DNAH5: variants seen among roughly 807,000 people sequenced by gnomAD.
DNAH5 encodes the protein dynein axonemal heavy chain 5.
In DNAH5, 372 loss-of-function variants were observed where a neutral mutation model predicts 518.2. The ratio of observed to expected loss-of-function variants is 0.72; its 90% CI spans 0.66 to 0.78. The LOEUF is 0.78. DNAH5 is among the 30% of genes least tolerant of loss of function. The pLI is 0.00. For missense variants in DNAH5, 5,523 were observed against 5,687.0 expected (o/e 0.97, Z 0.93); for synonymous variants, 2,039 against 2,025.9 (o/e 1.01, Z -0.17).
chr5:13,988,727 C>CTTCTTTTTT (rs1783249940), intron 1 of DNAH5, among the ~76,000 whole-genome samples: 1 of 126,606 alleles, frequency 7.9e-6, no homozygotes, highest in Non-Finnish European at 1.6e-5. Context: ...CAGCCCAAAT[C>CTTCTTTTTT]TTTTTTTTTT....
intron 47 of DNAH5, among the ~76,000 whole-genome samples, chr5:13,795,319 G>T (rs1402400643): frequency 2.6e-5 from 4 of 151,626 alleles, no homozygotes; most frequent in African/African-American, 9.7e-5. Context: ...TAATAAAGAA[G>T]AAAAGAGAGA....
chr5:13,864,491 G>T lies in DNAH5; in HGVS notation c.4502C>A (p.Thr1501Asn). 1 of 1,614,128 alleles carries T rather than the reference G, an allele frequency of 6.2e-7. No homozygotes were observed. The highest frequency in any genetic ancestry group is 8.5e-7 in the Non-Finnish European group (1 of 1,180,022). The change falls in exon 28 of 79, where the codon ACC (threonine) becomes AAC (asparagine). Residue 1501 changes from threonine to asparagine, a missense_variant. Coordinates refer to ENST00000265104, the MANE Select transcript of DNAH5 (RefSeq NM_001369.3). ...CACATCCAGACTGTGCCCGGTGAGGGTGGTTATCCTTTCCCAGTGCCGCTC... is the reference window on the plus strand; with the variant it reads ...CACATCCAGACTGTGCCCGGTGAGGTTGGTTATCCTTTCCCAGTGCCGCTC... ...MMERHWERIT[T>N]LTGHSLDVGN...
chr5:13,925,803 C>T (rs1015445675), intron 3 of DNAH5, among the ~76,000 whole-genome samples: 6 of 152,220 alleles, frequency 3.9e-5, no homozygotes, highest in South Asian at 2.1e-4. Context: ...GCTATGCAAA[C>T]GGTGAGGTTA....
Position 13,737,407 on chromosome 5 carries a change from C to A in DNAH5, c.11300G>T (p.Arg3767Leu), listed in dbSNP as rs138838869. The A allele has an allele frequency of 4.3e-6, 7 of 1,614,014 alleles. No homozygotes were observed. In the East Asian group the frequency reaches 1.1e-4, roughly 26 times the overall value. ...MKELEDNLLY[R>L]LTSTQGSLVE... ...CAGGGACCCCTGGGTACTTGTCAGG[C>A]GGTAAAGCAAGTTATCTTCTAGTTC... The change falls in exon 66 of 79, where the codon CGC (arginine) becomes CTC (leucine). Residue 3767 changes from arginine to leucine, a missense_variant. By Grantham distance (102) the Arg-to-Leu change is moderately radical. This residue lies in a region of DNAH5 where 5,121 missense variants were observed against 5,223.3 expected (regional missense o/e 0.98). Transcript: ENST00000265104.
chr5:13,886,041 T>C lies in DNAH5; in HGVS notation c.2666A>G (p.Asp889Gly). The stretch of plus-strand genomic sequence containing the variant: ...TTCTTCTTCAGATAAAACTTCCACA[T>C]CCAGCAACATATTTACAAGCTCATT... Reference protein sequence around the residue: ...AVNELVNMLLDVEVLSEEESE... With the variant: ...AVNELVNMLLGVEVLSEEESE... The change falls in exon 18 of 79, where the codon GAT (aspartate) becomes GGT (glycine). Residue 889 changes from aspartate to glycine, a missense_variant. Around this residue, in one of 3 missense-constraint regions of DNAH5, gnomAD observed 5,121 missense variants for 5,223.3 expected, o/e 0.98. Transcript: ENST00000265104. 1.2e-6 allele frequency: 2 copies of C among 1,610,970 alleles called. No homozygotes were observed. Among genetic ancestry groups the C allele is most frequent in the Non-Finnish European group, 1.7e-6 (2 of 1,179,576 alleles).
intron 28 of DNAH5, 65 bp from the exon 29 acceptor site, chr5:13,862,812 G>T (rs538106519): frequency 2.8e-6 from 3 of 1,081,280 alleles, no homozygotes; most frequent in Non-Finnish European, 4.0e-6. Flanking sequence ...AATAGTCTAC[G>T]TGCAATACCC....
At chr5:13,840,044 T>C (rs1764952065) in intron 34 of DNAH5, among the ~76,000 whole-genome samples, 1 of 152,354 alleles carries the variant, frequency 6.6e-6, no homozygotes, top group African/African-American at 2.4e-5. Context: ...CTGGAAATGC[T>C]TTTGTCCAGA....
At chr5:13,700,244 G>A (rs1579803859) in intron 78 of DNAH5, among the ~76,000 whole-genome samples, 1 of 152,124 alleles carries the variant, frequency 6.6e-6, no homozygotes, top group Non-Finnish European at 1.5e-5. Context: ...CCACCACATT[G>A]TATATATTCT....
intron 65 of DNAH5, among the ~76,000 whole-genome samples, chr5:13,750,478 G>A (rs903943349): frequency 1.3e-5 from 2 of 152,194 alleles, no homozygotes. Flanking sequence ...AGGCAGACAT[G>A]GAGTTATGTT....
chr5:13,750,943 G>A, intron 65 of DNAH5, 135 bp downstream of exon 65: 1 of 972,250 alleles, frequency 1.0e-6, no homozygotes, highest in Non-Finnish European at 1.6e-6. Flanking sequence ...GAAAACACTT[G>A]GAGATTAATG....
upstream of DNAH5, among the ~76,000 whole-genome samples, chr5:13,945,212 A>G (rs1779814228): frequency 6.6e-6 from 1 of 152,250 alleles, no homozygotes. Context: ...ATGTAATGGG[A>G]AAACACTGCC....
In DNAH5 at chr5:13,830,019, T is replaced by A. The variant is rs377672142; in HGVS notation, c.6249+7A>T. 1.2e-6 allele frequency: 2 copies of A among 1,611,284 alleles called. No individual in the cohort carries two copies. The highest frequency in any genetic ancestry group is 2.7e-5 in the African/African-American group (2 of 74,490). On this transcript the variant is annotated splice_region_variant and intron_variant, in intron 37 of 78. Coordinates refer to ENST00000265104, the MANE Select transcript of DNAH5 (RefSeq NM_001369.3). ...GAAATTCAGTAGCTTTTCTAGCAGCTCCTTACCATGGTTAAGAAAAGCCCA... is the reference window on the plus strand; with the variant it reads ...GAAATTCAGTAGCTTTTCTAGCAGCACCTTACCATGGTTAAGAAAAGCCCA...
chr5:13,856,909 T>C (rs1767712698), intron 30 of DNAH5, among the ~76,000 whole-genome samples: 2 of 152,210 alleles, frequency 1.3e-5, no homozygotes, highest in African/African-American at 2.4e-5. Context: ...AATATCATAC[T>C]GAATAGGCAA....
chr5:13,783,753 G>C (rs1260243733), intron 52 of DNAH5, among the ~76,000 whole-genome samples: 1 of 152,166 alleles, frequency 6.6e-6, no homozygotes, highest in African/African-American at 2.4e-5. Context: ...ATCCTGTTTT[G>C]CTGCAGTTTT....
At chr5:13,750,506 T>C (rs1265598532) in intron 65 of DNAH5, among the ~76,000 whole-genome samples, 1 of 152,182 alleles carries the variant, frequency 6.6e-6, no homozygotes, top group Non-Finnish European at 1.5e-5. Context: ...CATAATTAAG[T>C]CAGTAGCCTT....
chr5:13,912,299 A>G (rs1776078547), intron 11 of DNAH5, among the ~76,000 whole-genome samples: 1 of 152,066 alleles, frequency 6.6e-6, no homozygotes, highest in African/African-American at 2.4e-5. Flanking sequence ...CAAATCTCTC[A>G]ATAGACAAAA....
Position 13,814,649 on chromosome 5 carries a change from C to T in DNAH5, c.7186G>A (p.Val2396Ile), listed in dbSNP as rs145167006. The change falls in exon 43 of 79, where the codon GTT (valine) becomes ATT (isoleucine). Residue 2396 changes from valine (V) to isoleucine (I), a missense_variant. Transcript: ENST00000265104. ...SPATVSRNGM[V>I]FMSSSILDWS... The stretch of plus-strand genomic sequence containing the variant: ...TCAAGGATAGAAGAGCTCATGAAAA[C>T]CATTCCATTTCTTGAGACGGTGGCA... 2 of 1,613,750 alleles carry T rather than the reference C, an allele frequency of 1.2e-6. No individual in the cohort carries two copies. Among genetic ancestry groups the T allele is most frequent in the African/African-American group, 2.7e-5 (2 of 74,924 alleles).
chr5:13,802,388 A>C (rs115156273), intron 47 of DNAH5, among the ~76,000 whole-genome samples: 6,970 of 152,316 alleles, frequency 0.046, 200 homozygotes, highest in Non-Finnish European at 0.065. Context: ...CAATTACTGA[A>C]TTAATTTCTC....
chr5:13,871,596 T>C lies in DNAH5; in HGVS notation c.3566A>G (p.Tyr1189Cys), dbSNP rs370022843. 1.9e-6 allele frequency: 3 copies of C among 1,613,694 alleles called. No homozygotes were observed. In the South Asian group the frequency reaches 3.3e-5, roughly 18 times the overall value. Reference sequence around the variant, plus strand: ...CAGAGCAATGGAACCCACACAGACATATTCAGGCTCAGCATTAATTTCCTG... The same window carrying C: ...CAGAGCAATGGAACCCACACAGACACATTCAGGCTCAGCATTAATTTCCTG... ...LEQEINAEPE[Y>C]VCVGSIALYT... The change falls in exon 23 of 79, where the codon TAT (tyrosine) becomes TGT (cysteine). Residue 1189 changes from tyrosine (Y) to cysteine (C), a missense_variant. This residue lies in a region of DNAH5 where 5,121 missense variants were observed against 5,223.3 expected (regional missense o/e 0.98). Coordinates refer to ENST00000265104, the MANE Select transcript of DNAH5 (RefSeq NM_001369.3).
Sources: allele counts gnomAD v4.1 joint callset (sites outside exome capture counted in the v4.1 genomes callset), GRCh38; gene constraint gnomAD v4.1.1; regional missense constraint gnomAD v4.1.1; transcripts MANE v1.5; gene names NCBI Gene and HGNC (gene_info 2026-07-23, HGNC 2026-07-21).